Variants in HDAC10 observed in about 807,000 individuals in gnomAD.
The protein encoded by HDAC10 is polyamine deacetylase HDAC10.
In HDAC10, 90 loss-of-function variants were observed where a neutral mutation model predicts 82.3. The observed-to-expected ratio is 1.09, with a 90% confidence interval of 0.92 to 1.30. The LOEUF (loss-of-function observed/expected upper bound fraction) is 1.30. HDAC10 is among the 50% of genes most tolerant of loss of function. The pLI, the probability that HDAC10 is intolerant of heterozygous loss-of-function variation, is 0.00. For synonymous variants in HDAC10, 456 were observed against 391.7 expected (o/e 1.16, Z -1.94); for missense variants, 934 against 876.3 (o/e 1.07, Z -0.83).
At chr22:50,246,831 CAG>C (rs779765835) in intron 15 of HDAC10, 42 bp downstream of exon 15, 6 of 1,595,388 alleles carry the variant, frequency 3.8e-6, no homozygotes, top group Admixed American at 1.7e-5. Flanking sequence ...GGGGTGCCCA[CAG>C]GTCCTGCCGT....
chr22:50,246,256 G>A (rs777507100), intron 17 of HDAC10, 42 bp downstream of exon 17: 2 of 1,574,084 alleles, frequency 1.3e-6, no homozygotes, highest in African/African-American at 2.7e-5. Flanking sequence ...CACATCCATG[G>A]GCTCCCCAGC....
At chr22:50,247,856 G>GC in intron 13 of HDAC10, 34 bp downstream of exon 13, 1 of 1,612,616 alleles carries the variant, frequency 6.2e-7, no homozygotes, top group Non-Finnish European at 8.5e-7. Context: ...TGTAGATGCG[G>GC]CCCCATCCTT....
chr22:50,249,989 G>A lies in HDAC10; in HGVS notation c.390-25C>T. 6.2e-7 allele frequency: 1 copy of A among 1,610,650 alleles called. No homozygotes were observed. Among genetic ancestry groups the A allele is most frequent in the Admixed American group, 1.7e-5 (1 of 59,984 alleles). ...CCTACGGCGTGAGAGTAGGATTTGG[G>A]TCACGTCAGGGTCGCCCTGGCCCCT... On this transcript the variant is annotated intron_variant, in intron 4 of 19. Coordinates refer to ENST00000216271, the MANE Select transcript of HDAC10 (RefSeq NM_032019.6). This position sits in a 1 kb window ranked among gnomAD's most constrained non-coding sequence, Gnocchi z 4.4.
In HDAC10 at chr22:50,250,043, G is replaced by C; in HGVS notation, c.389+20C>G. 6.2e-7 allele frequency: 1 copy of C among 1,609,956 alleles called. No individual in the cohort carries two copies. The highest frequency in any genetic ancestry group is 8.5e-7 in the Non-Finnish European group (1 of 1,177,440). ...AGGGCCACCCACGGAGGAGCAGCCA[G>C]GGGAAGGGGCAGCTCTCACCTCACC... On this transcript the variant is annotated intron_variant, in intron 4 of 19. Coordinates refer to ENST00000216271, the MANE Select transcript of HDAC10 (RefSeq NM_032019.6).
chr22:50,251,085 C>G lies in HDAC10; in HGVS notation c.-53G>C. ...CAAACGCCCTCGCTAGTGGTGCCTGCCACTGCCTGTCCCCACCTTCGGCCG... is the reference window on the plus strand; with the variant it reads ...CAAACGCCCTCGCTAGTGGTGCCTGGCACTGCCTGTCCCCACCTTCGGCCG... On this transcript the variant is annotated 5_prime_UTR_variant, in exon 1 of 20. Transcript: ENST00000216271. The G allele has an allele frequency of 6.5e-7, 1 of 1,549,454 alleles. No homozygotes were observed.
In HDAC10 at chr22:50,246,672, G is replaced by A; in HGVS notation, c.1571+7C>T. On this transcript the variant is annotated splice_region_variant and intron_variant, in intron 16 of 19. Transcript: ENST00000216271. ...GGCTGGACATATGCAAGACCTGAGA[G>A]TCCTACCCGTCATGGGCGAGGTCTG... The A allele has an allele frequency of 6.2e-7, 1 of 1,610,956 alleles. No individual in the cohort carries two copies. The highest frequency in any genetic ancestry group is 8.5e-7 in the Non-Finnish European group (1 of 1,179,574).
rs1453016743 is a variant in HDAC10 at position 50,245,309 on chromosome 22, T to G, written c.*198A>C. The G allele has an allele frequency of 1.4e-5, 7 of 511,508 alleles. No homozygotes were observed. The highest frequency in any genetic ancestry group is 4.7e-4 in the Middle Eastern group (1 of 2,116). 31.7% of individuals were successfully genotyped at this position (511,508 alleles called of 1,614,324 possible). ...ATGGGACGGGCCGGGGCGCGATGGG[T>G]GGGGCGGGGGCGAGGTGAGGTGAGG... is the stretch of plus-strand genomic sequence containing the variant. On this transcript the variant is annotated 3_prime_UTR_variant, in exon 20 of 20. Transcript: ENST00000216271.
Position 50,246,289 on chromosome 22 carries a change from GTCAC to G in HDAC10, c.1650+5_1650+8del, listed in dbSNP as rs767177200. Reference sequence around the variant, plus strand: ...AGCACCTGCCTTGCCGCGTGGCATGGTCACTCACCACTGGCAGTGGCGTGGAGAC... The same window carrying G: ...AGCACCTGCCTTGCCGCGTGGCATGGTCACCACTGGCAGTGGCGTGGAGAC... On this transcript the variant is annotated splice_donor_5th_base_variant and intron_variant, in intron 17 of 19. Coordinates refer to ENST00000216271, the MANE Select transcript of HDAC10 (RefSeq NM_032019.6). 5.0e-6 allele frequency: 8 copies of G among 1,611,026 alleles called. No individual in the cohort carries two copies. In the Admixed American group the frequency reaches 1.0e-4, roughly 20 times the overall value.
In HDAC10 at chr22:50,249,173, C is replaced by G. The variant is rs1489902652; in HGVS notation, c.691-5G>C. 2 of 1,587,366 alleles carry G rather than the reference C, an allele frequency of 1.3e-6. No homozygotes were observed. The highest frequency in any genetic ancestry group is 1.7e-6 in the Non-Finnish European group (2 of 1,168,550). ...GTCAGCGTTTCCCATCCCAACCTGG[C>G]AGGACATCCCAGGCTACATCCTGAA... is the stretch of plus-strand genomic sequence containing the variant. On this transcript the variant is annotated splice_polypyrimidine_tract_variant and splice_region_variant and intron_variant, in intron 7 of 19. Transcript: ENST00000216271. The surrounding 1 kb of genome is among the most constrained non-coding windows in gnomAD (Gnocchi z 4.4).
intron 1 of HDAC10, 29 bp downstream of exon 1, chr22:50,250,945 G>A (rs1220764812): frequency 2.5e-6 from 4 of 1,610,362 alleles, no homozygotes; most frequent in East Asian, 2.2e-5. Flanking sequence ...GTCCCTCCCC[G>A]CACCCCACCT....
chr22:50,247,049 G>C, intron 14 of HDAC10, 83 bp from the exon 15 acceptor site: 1 of 801,882 alleles, frequency 1.2e-6, no homozygotes, highest in South Asian at 1.8e-5. Context: ...CCTTCATTCG[G>C]TGTGTCTCTG....
intron 16 of HDAC10, 58 bp downstream of exon 16, chr22:50,246,621 T>G: frequency 6.6e-7 from 1 of 1,515,964 alleles, no homozygotes; most frequent in Non-Finnish European, 9.1e-7. Flanking sequence ...CAGGCACACG[T>G]CCATCACATG....
Position 50,249,053 on chromosome 22 carries a change from A to T in HDAC10, c.756+50T>A, listed in dbSNP as rs1243628779. On this transcript the variant is annotated intron_variant, in intron 8 of 19. Coordinates refer to ENST00000216271, the MANE Select transcript of HDAC10 (RefSeq NM_032019.6). The surrounding 1 kb of genome is among the most constrained non-coding windows in gnomAD (Gnocchi z 4.4). ...GCCTTCACTGGCGCACTCCAGGCAC[A>T]AGGTCCCCCTCCCACCCGGCTGCCC... 6.6e-7 allele frequency: 1 copy of T among 1,509,326 alleles called. No homozygotes were observed. The highest frequency in any genetic ancestry group is 1.4e-5 in the African/African-American group (1 of 72,634). 93.5% of individuals were successfully genotyped at this position (1,509,326 alleles called of 1,614,324 possible).
chr22:50,246,683 C>T lies in HDAC10; in HGVS notation c.1567G>A (p.Asp523Asn). 1 of 1,611,492 alleles carries T rather than the reference C, an allele frequency of 6.2e-7. No homozygotes were observed. The highest frequency in any genetic ancestry group is 8.5e-7 in the Non-Finnish European group (1 of 1,179,824). Residue 523 changes from aspartate (D) to asparagine (N), a missense_variant, in exon 16 of 20, where the codon GAC becomes AAC. Physicochemically the swap from Asp to Asn is conservative, Grantham distance 23. Coordinates refer to ENST00000216271, the MANE Select transcript of HDAC10 (RefSeq NM_032019.6). ...QLDRPPDLAH[D>N]GRSLWLNIRG... ...TGCAAGACCTGAGAGTCCTACCCGT[C>T]ATGGGCGAGGTCTGGAGGCCGGTCC...
rs773332826 is a variant in HDAC10, at chr22:50,248,143, C to T, written c.1084G>A (p.Val362Met). 3.3e-5 allele frequency: 53 copies of T among 1,587,486 alleles called. No homozygotes were observed. The highest frequency in any genetic ancestry group is 4.4e-5 in the Non-Finnish European group (51 of 1,166,510). ...PHWKSLQQQD[V>M]TAVPMSPSSH... is the part of the protein sequence containing the mutation. Reference sequence around the variant, plus strand: ...CTGGGGCTCATCGGCACAGCGGTCACATCTAGGGACAGTTCGGAGTCATAG... The same window carrying T: ...CTGGGGCTCATCGGCACAGCGGTCATATCTAGGGACAGTTCGGAGTCATAG... The change falls in exon 13 of 20, where the codon GTG becomes ATG. Residue 362 changes from valine (V) to methionine (M), a missense_variant and splice_region_variant. Coordinates refer to ENST00000216271, the MANE Select transcript of HDAC10 (RefSeq NM_032019.6). The surrounding 1 kb of genome is among the most constrained non-coding windows in gnomAD (Gnocchi z 5.4).
chr22:50,248,652 C>T lies in HDAC10; in HGVS notation c.906+10G>A. ...CCCAGAGACCCTCCCTGTGTGCCCT[C>T]CCCAGTCACCTCCAGCACGGCACAG... is the stretch of plus-strand genomic sequence containing the variant. On this transcript the variant is annotated intron_variant, in intron 10 of 19. Coordinates refer to ENST00000216271, the MANE Select transcript of HDAC10 (RefSeq NM_032019.6). This position sits in a 1 kb window ranked among gnomAD's most constrained non-coding sequence, Gnocchi z 5.4. 1 of 1,491,740 alleles carries T rather than the reference C, an allele frequency of 6.7e-7. No homozygotes were observed. Among genetic ancestry groups the T allele is most frequent in the Non-Finnish European group, 8.9e-7 (1 of 1,118,172 alleles). 92.4% of individuals were successfully genotyped at this position (1,491,740 alleles called of 1,614,324 possible). A position where few individuals can be genotyped will look rare whatever the true frequency, so the allele number is the denominator to read the frequency against.
At position 50,248,017 on chromosome 22, in the gene HDAC10, G is replaced by C. The variant is rs2064997667; in HGVS notation, c.1210C>G (p.Leu404Val). ...APSSLLDQPC[L>V]CPAPSVRTAV... ...GTGCGGACAGAGGGTGCGGGGCAGA[G>C]GCACGGCTGGTCCAGGAGGGAGCTC... The change falls in exon 13 of 20, where the codon CTC becomes GTC. Residue 404 changes from leucine to valine, a missense_variant. Leu to Val is a conservative substitution (Grantham distance 32). Transcript: ENST00000216271. This position sits in a 1 kb window ranked among gnomAD's most constrained non-coding sequence, Gnocchi z 5.4. The C allele has an allele frequency of 6.2e-7, 1 of 1,612,644 alleles. No homozygotes were observed. Among genetic ancestry groups the C allele is most frequent in the African/African-American group, 1.3e-5 (1 of 74,922 alleles).
chr22:50,245,403 C>T lies in HDAC10; in HGVS notation c.*104G>A. 3 of 707,114 alleles carry T rather than the reference C, an allele frequency of 4.2e-6. No homozygotes were observed. Among genetic ancestry groups the T allele is most frequent in the Non-Finnish European group, 5.2e-6 (2 of 383,802 alleles). The allele number at this position is 707,114 out of a possible 1,614,324, so 43.8% of individuals were successfully genotyped here. ...GATTGGGAGTGGGCGGGGTTCCGTG[C>T]CCCAGAGTCGAGGGAGCCGTGGGCT... On this transcript the variant is annotated 3_prime_UTR_variant, in exon 20 of 20. Transcript: ENST00000216271.
chr22:50,247,543 C>T (rs973710458), intron 14 of HDAC10, 149 bp downstream of exon 14: 9 of 608,818 alleles, frequency 1.5e-5, no homozygotes, highest in African/African-American at 3.7e-5. Context: ...TGGGGCTGTT[C>T]TGGGAACAGT....
Sources: gnomAD v4.1 joint callset for allele counts on GRCh38, gnomAD v4.1.1 for gene constraint, Gnocchi (gnomAD v3.1) non-coding constraint, MANE v1.5 for transcripts, NCBI Gene and HGNC (gene_info 2026-07-23, HGNC 2026-07-21) for gene names.